Variants in ST18 observed in about 807,000 individuals in gnomAD.
The protein encoded by ST18 is suppression of tumorigenicity 18 protein.
Under a neutral mutation model 110.0 loss-of-function variants are expected in ST18, and 50 were observed. That is an observed-to-expected ratio of 0.45 (90% CI 0.36 to 0.58). The LOEUF (loss-of-function observed/expected upper bound fraction) is 0.58, where lower values mean the gene tolerates loss of function less well. ST18 is among the 20% of genes least tolerant of loss of function. The probability of loss-of-function intolerance (pLI) is 0.00; values close to 1 mark genes in which losing one functional copy is unlikely to be tolerated. For missense variants in ST18, 1,306 were observed against 1,280.1 expected (o/e 1.02, Z -0.31); for synonymous variants, 461 against 452.4 (o/e 1.02, Z -0.24).
chr8:52,405,677 G>A (rs1023727491), intron 2 of ST18: 3 of 152,144 alleles, frequency 2.0e-5, no homozygotes, highest in African/African-American at 4.8e-5. Flanking sequence ...AGTAGCTAAA[G>A]CAACTATTAT....
At chr8:52,361,104 C>T (rs182779005) in intron 2 of ST18, among the ~76,000 whole-genome samples, 28 of 152,140 alleles carry the variant, frequency 1.8e-4, no homozygotes, top group African/African-American at 5.1e-4. Context: ...AGGTCCTGGT[C>T]TCAAAATATT....
chr8:52,142,387 C>T (rs1307570389), intron 17 of ST18, among the ~76,000 whole-genome samples: 1 of 152,086 alleles, frequency 6.6e-6, no homozygotes, highest in Non-Finnish European at 1.5e-5. Context: ...TTGCTGTAAA[C>T]TCTCATTAAC....
At chr8:52,391,127 G>A (rs1590634038) in intron 2 of ST18, among the ~76,000 whole-genome samples, 1 of 152,162 alleles carries the variant, frequency 6.6e-6, no homozygotes, top group East Asian at 1.9e-4. Context: ...GGCCCACGCT[G>A]CTTCCTCCCT....
intron 8 of ST18, among the ~76,000 whole-genome samples, chr8:52,188,628 T>G (rs940881118): frequency 2.0e-5 from 3 of 152,234 alleles, no homozygotes; most frequent in Non-Finnish European, 4.4e-5. Flanking sequence ...CTGGCTTCCA[T>G]GTTAAGAACA....
rs145678075 is a variant in ST18 at position 52,197,684 on chromosome 8, A to G, written c.86+14395T>C. ...ATAAAAAGAAGGAACAGTGAGAAAG[A>G]GTGGGTAAGATGGAAGAAAACAGAA... On this transcript the variant is annotated intron_variant, in intron 8 of 25. Coordinates refer to ENST00000689386, the MANE Select transcript of ST18 (RefSeq NM_001352837.2). Among the ~76,000 whole-genome samples the G allele has an allele frequency of 4.6e-3, 701 of 152,300 alleles. 10 individuals carry two copies. The highest frequency in any genetic ancestry group is 0.016 in the African/African-American group (676 of 41,580).
chr8:52,329,555 G>A (rs1808169840), intron 2 of ST18, among the ~76,000 whole-genome samples: 1 of 152,152 alleles, frequency 6.6e-6, no homozygotes. Flanking sequence ...AGGAGTTCAA[G>A]ACCAACATGG....
chr8:52,161,945 T>C (rs926837876), intron 13 of ST18, among the ~76,000 whole-genome samples: 11 of 152,204 alleles, frequency 7.2e-5, no homozygotes, highest in African/African-American at 2.4e-4. Flanking sequence ...TGCGGTGGCT[T>C]ACGCCTATAA....
intron 2 of ST18, among the ~76,000 whole-genome samples, chr8:52,265,159 C>G (rs1335917737): frequency 2.0e-5 from 3 of 152,160 alleles, no homozygotes; most frequent in Non-Finnish European, 2.9e-5. Flanking sequence ...TGAGGGCAGA[C>G]AGCCACAAGC....
Position 52,171,912 on chromosome 8 carries a change from C to G in ST18, c.949G>C (p.Gly317Arg), listed in dbSNP as rs2065101663. 2 of 1,614,192 alleles carry G rather than the reference C, an allele frequency of 1.2e-6. No individual in the cohort carries two copies. The highest frequency in any genetic ancestry group is 2.7e-5 in the African/African-American group (2 of 75,036). Reference protein sequence around the residue: ...EQAIALQAERGCVFHNTYKEL... With the variant: ...EQAIALQAERRCVFHNTYKEL... ...TTGTAGGTGTTATGGAAAACACAAC[C>G]TCGCTCAGCCTGCAGAGCAATTGCC... Residue 317 changes from glycine (G) to arginine (R), a missense_variant, in exon 10 of 26, where the codon GGT (glycine) becomes CGT (arginine). Transcript: ENST00000689386.
In ST18 at chr8:52,125,049, A is replaced by G. The variant is rs186450315; in HGVS notation, c.2755+1003T>C. On this transcript the variant is annotated intron_variant, in intron 23 of 25. Transcript: ENST00000689386. ...TAATTGCTCTGTCATTGTTTCTCAA[A>G]TGCTTTGGAACGATCTTTGATGGAA... Among the ~76,000 whole-genome samples the G allele has an allele frequency of 4.6e-5, 7 of 152,336 alleles. No individual in the cohort carries two copies. In the East Asian group the frequency reaches 1.4e-3, roughly 29 times the overall value.
chr8:52,339,249 T>A (rs561610090), intron 2 of ST18, among the ~76,000 whole-genome samples: 2 of 152,284 alleles, frequency 1.3e-5, no homozygotes, highest in South Asian at 2.1e-4. Context: ...CAGTCCTTAC[T>A]ATGTGGACCC....
chr8:52,301,193 A>C (rs1469612075), intron 2 of ST18, among the ~76,000 whole-genome samples: 1 of 152,226 alleles, frequency 6.6e-6, no homozygotes, highest in Non-Finnish European at 1.5e-5. Context: ...TCTTCAAATC[A>C]AATAATTCCT....
intron 2 of ST18, chr8:52,393,504 T>C (rs1437550830): frequency 1.5e-4 from 22 of 151,614 alleles, no homozygotes; most frequent in Admixed American, 1.4e-3. Flanking sequence ...GCAGATACAC[T>C]CCTCTCTAAA....
At chr8:52,122,246 T>C (rs1343098777) in intron 23 of ST18, among the ~76,000 whole-genome samples, 2 of 152,188 alleles carry the variant, frequency 1.3e-5, no homozygotes, top group Non-Finnish European at 2.9e-5. Flanking sequence ...ATAATTCTAA[T>C]ATTTATTTGG....
intron 9 of ST18, among the ~76,000 whole-genome samples, chr8:52,175,563 C>T (rs2066600531): frequency 6.6e-6 from 1 of 152,138 alleles, no homozygotes; most frequent in Non-Finnish European, 1.5e-5. Flanking sequence ...GAGACTGGGT[C>T]CTCATCTTCA....
chr8:52,189,159 A>G (rs533070690), intron 8 of ST18, among the ~76,000 whole-genome samples: 1 of 152,198 alleles, frequency 6.6e-6, no homozygotes, highest in Non-Finnish European at 1.5e-5. Flanking sequence ...ACATCATCAC[A>G]CCACAGCATC....
At chr8:52,356,677 C>T (rs1206178601) in intron 2 of ST18, among the ~76,000 whole-genome samples, 2 of 151,854 alleles carry the variant, frequency 1.3e-5, no homozygotes, top group Non-Finnish European at 2.9e-5. Flanking sequence ...TAGACAAAAA[C>T]TTTAAAATTT....
intron 8 of ST18, among the ~76,000 whole-genome samples, chr8:52,200,835 A>G (rs1029064053): frequency 5.9e-5 from 9 of 152,220 alleles, no homozygotes; most frequent in African/African-American, 1.9e-4. Context: ...CCATTTACTG[A>G]CACGGGAAGC....
intron 4 of ST18, among the ~76,000 whole-genome samples, chr8:52,221,129 AT>A (rs1325220926): frequency 5.3e-5 from 8 of 151,744 alleles, no homozygotes; most frequent in East Asian, 1.9e-4. Context: ...CTATCTATCT[AT>A]CTATCTACCT....
Sources: gnomAD v4.1 joint callset for allele counts (sites outside exome capture counted in the v4.1 genomes callset) on GRCh38, gnomAD v4.1.1 for gene constraint, MANE v1.5 for transcripts, NCBI Gene and HGNC (gene_info 2026-07-23, HGNC 2026-07-21) for gene names.